The following ATP8B1 variants were observed in gnomAD, a reference collection of about 807,000 sequenced individuals.
ATP8B1 encodes ATPase phospholipid transporting 8B1, also known as phospholipid-transporting ATPase IC.
ATP8B1 carries 80 observed loss-of-function variants against 149.9 expected under a neutral mutation model. The observed-to-expected ratio is 0.53, with a 90% confidence interval of 0.45 to 0.64. ATP8B1 has a LOEUF of 0.64. Ranked by LOEUF, ATP8B1 falls within the 30% of genes least tolerant of loss-of-function variation. ATP8B1 has a pLI of 0.00. For synonymous variants in ATP8B1, 536 were observed against 562.8 expected (o/e 0.95, Z 0.67); for missense variants, 1,247 against 1,552.6 (o/e 0.80, Z 3.31).
At chr18:57,685,470 C>A (rs112098455) in intron 13 of ATP8B1, among the ~76,000 whole-genome samples, 5 of 152,166 alleles carry the variant, frequency 3.3e-5, no homozygotes, top group African/African-American at 4.8e-5. Flanking sequence ...ACGGTGCCTA[C>A]AAGTAGGAAG....
chr18:57,793,597 C>CT (rs2080483826), intron 1 of ATP8B1, among the ~76,000 whole-genome samples: 1 of 152,094 alleles, frequency 6.6e-6, no homozygotes, highest in African/African-American at 2.4e-5. Flanking sequence ...CCCTTACCTC[C>CT]TTCTTCTCCT....
chr18:57,764,756 TCAAAAA>T (rs2080194787), intron 1 of ATP8B1, among the ~76,000 whole-genome samples: 1 of 66,440 alleles, frequency 1.5e-5, no homozygotes, highest in African/African-American at 6.7e-5. Flanking sequence ...CTTTCAGTTG[TCAAAAA>T]AAAAAAAAAA....
chr18:57,713,200 C>CTTTCTTTGT (rs775753740), intron 2 of ATP8B1, among the ~76,000 whole-genome samples: 4 of 60,720 alleles, frequency 6.6e-5, no homozygotes, highest in East Asian at 1.0e-3. Flanking sequence ...TCTTTCTTTC[C>CTTTCTTTGT]TTCCTTCCTT....
chr18:57,738,167 T>C (rs1021713919), intron 1 of ATP8B1: 5 of 152,224 alleles, frequency 3.3e-5, no homozygotes, highest in Non-Finnish European at 7.3e-5. Flanking sequence ...TTTGGAAACT[T>C]CATAATGTCT....
chr18:57,710,998 C>T (rs560800959), intron 2 of ATP8B1, among the ~76,000 whole-genome samples: 1 of 152,284 alleles, frequency 6.6e-6, no homozygotes, highest in South Asian at 2.1e-4. Context: ...CAATTCTTCA[C>T]TGAGATAGTA....
chr18:57,738,445 A>G (rs2079880083), intron 1 of ATP8B1, among the ~76,000 whole-genome samples: 1 of 152,126 alleles, frequency 6.6e-6, no homozygotes, highest in Admixed American at 6.5e-5. Flanking sequence ...CAACATGGTG[A>G]AACTCCGTCC....
At chr18:57,703,802 T>TA (rs1186745415) in intron 4 of ATP8B1, among the ~76,000 whole-genome samples, 1 of 152,128 alleles carries the variant, frequency 6.6e-6, no homozygotes, top group African/African-American at 2.4e-5. Flanking sequence ...TTTTAAAATG[T>TA]AAAAACAGTT....
chr18:57,708,638 T>A (rs1218891340), intron 2 of ATP8B1: 1 of 152,188 alleles, frequency 6.6e-6, no homozygotes, highest in Non-Finnish European at 1.5e-5. Flanking sequence ...TCAGGAAGGC[T>A]GAGAAGAAAA....
intron 2 of ATP8B1, among the ~76,000 whole-genome samples, chr18:57,706,873 A>G (rs1913423496): frequency 6.6e-6 from 1 of 152,232 alleles, no homozygotes; most frequent in Non-Finnish European, 1.5e-5. Context: ...CTGCAAGCCA[A>G]GGAGAGAAGC....
At chr18:57,771,438 T>G (rs1457948945) in intron 1 of ATP8B1, among the ~76,000 whole-genome samples, 1 of 152,194 alleles carries the variant, frequency 6.6e-6, no homozygotes, top group Non-Finnish European at 1.5e-5. Context: ...TTCAATTCAC[T>G]TACTTCCTGA....
rs766543769 is a variant in ATP8B1, at chr18:57,661,436, G to A, written c.2445C>T (p.Thr815=). 3 of 1,613,186 alleles carry A rather than the reference G, an allele frequency of 1.9e-6. No individual in the cohort carries two copies. The highest frequency in any genetic ancestry group is 1.7e-6 in the Non-Finnish European group (2 of 1,179,766). Residue 815 remains threonine, a synonymous_variant, in exon 22 of 28, where the codon ACC becomes ACT. Coordinates refer to ENST00000648908, the MANE Select transcript of ATP8B1 (RefSeq NM_001374385.1). ...TCAGCTTCAGAATCTTATTTCTCTT[G>A]GTCTTTTTCTCGAGAAGAATTTCAT... ...WLNEILLEKK[T]KRNKILKLKF...
Position 57,778,286 on chromosome 18 carries a change from T to C in ATP8B1, c.-26+24712A>G, listed in dbSNP as rs572300774. Among the ~76,000 whole-genome samples, 18 of 149,710 alleles carry C rather than the reference T, an allele frequency of 1.2e-4. No individual in the cohort carries two copies. The South Asian group carries it at 3.0e-3, about 25-fold the overall frequency. On this transcript the variant is annotated intron_variant, in intron 1 of 27. Coordinates refer to ENST00000648908, the MANE Select transcript of ATP8B1 (RefSeq NM_001374385.1). ...TGTCGCCCAGGCTGGAGTGCAGTGG[T>C]GCGATCTCGGCTCACTGCAAGCTCC...
At chr18:57,649,080 T>C (rs1237299707) in intron 27 of ATP8B1, among the ~76,000 whole-genome samples, 2 of 151,956 alleles carry the variant, frequency 1.3e-5, no homozygotes, top group South Asian at 2.1e-4. Flanking sequence ...GTATTTTTAG[T>C]GGAGACAGAA....
chr18:57,789,719 T>G (rs556723695), intron 1 of ATP8B1, among the ~76,000 whole-genome samples: 32 of 152,364 alleles, frequency 2.1e-4, no homozygotes, highest in South Asian at 6.2e-4. Flanking sequence ...CTCCACCCTG[T>G]CATCTTTGTC....
intron 1 of ATP8B1, among the ~76,000 whole-genome samples, chr18:57,787,485 G>A (rs1288031217): frequency 4.6e-5 from 7 of 151,788 alleles, no homozygotes; most frequent in South Asian, 4.2e-4. Flanking sequence ...AGAACACTGC[G>A]GGAGGAGCTC....
At chr18:57,668,322 A>G in intron 19 of ATP8B1, 107 bp downstream of exon 19, 1 of 1,333,130 alleles carries the variant, frequency 7.5e-7, no homozygotes, top group East Asian at 2.3e-5. Context: ...CCAAAGAAAC[A>G]GTGTTTGTAC....
chr18:57,735,156 C>T, intron 1 of ATP8B1: 1 of 154,708 alleles, frequency 6.5e-6, no homozygotes, highest in Non-Finnish European at 1.4e-5. Flanking sequence ...TGCAGCTGCA[C>T]CCTTCTGGTT....
At chr18:57,732,189 G>GTATATATGTGTATATATGTA (rs2079781219) in intron 1 of ATP8B1, among the ~76,000 whole-genome samples, 3 of 59,352 alleles carry the variant, frequency 5.1e-5, no homozygotes, top group Admixed American at 1.9e-4. Context: ...GTGTATATAT[G>GTATATATGTGTATATATGTA]TATATATGTG....
At chr18:57,788,755 A>C (rs1419263591) in intron 1 of ATP8B1, among the ~76,000 whole-genome samples, 1 of 152,142 alleles carries the variant, frequency 6.6e-6, no homozygotes, top group Non-Finnish European at 1.5e-5. Flanking sequence ...AAAACTATAA[A>C]GTGCTTTAAA....
Sources: gnomAD v4.1 joint callset for allele counts (sites outside exome capture counted in the v4.1 genomes callset) on GRCh38, gnomAD v4.1.1 for gene constraint, MANE v1.5 for transcripts, NCBI Gene and HGNC (gene_info 2026-07-23, HGNC 2026-07-21) for gene names.